Variants in ZNF226 observed in about 807,000 individuals in gnomAD.
The protein encoded by ZNF226 is zinc finger protein 226, also known as Kruppel-associated box protein.
ZNF226 carries 6 observed loss-of-function variants against 11.4 expected under a neutral mutation model. The ratio of observed to expected loss-of-function variants is 0.53; its 90% CI spans 0.29 to 1.04. The LOEUF (loss-of-function observed/expected upper bound fraction) is 1.04. Ranked by LOEUF, ZNF226 falls within the 50% of genes least tolerant of loss-of-function variation. The pLI is 0.08. For missense variants in ZNF226, 1,058 were observed against 956.5 expected (o/e 1.11, Z -1.40); for synonymous variants, 350 against 322.8 (o/e 1.08, Z -0.90).
chr19:44,186,435 T>C, the ZNF226 span, among the ~76,000 whole-genome samples: 5 of 152,106 alleles, frequency 3.3e-5, no homozygotes, highest in African/African-American at 4.8e-5. Flanking sequence ...GTTATTTGAT[T>C]AAGTTCTTTC....
At chr19:44,188,177 A>T in the ZNF226 span, among the ~76,000 whole-genome samples, 3 of 152,236 alleles carry the variant, frequency 2.0e-5, no homozygotes, top group African/African-American at 7.2e-5. Flanking sequence ...CCGTTTCCTC[A>T]TTGATCTTCT....
chr19:44,188,045 ATGG>A, the ZNF226 span, among the ~76,000 whole-genome samples: 2 of 152,136 alleles, frequency 1.3e-5, no homozygotes, highest in African/African-American at 4.8e-5. Flanking sequence ...ATAGCCTAAC[ATGG>A]TCTATCTTGG....
At position 44,176,849 on chromosome 19, in the gene ZNF226, A is replaced by C. The variant is rs754984072; in HGVS notation, c.1587A>C (p.Lys529Asn). 1 of 1,614,076 alleles carries C rather than the reference A, an allele frequency of 6.2e-7. No individual in the cohort carries two copies. The highest frequency in any genetic ancestry group is 1.7e-5 in the Admixed American group (1 of 60,010). The change falls in exon 6 of 6, where the codon AAA becomes AAC. Residue 529 changes from lysine to asparagine, a missense_variant. Transcript: ENST00000337433. ...ATCTAGTGGTCCACACAGGAGAGAA[A>C]CCCTATAAATGTGAGATATGTGGGA... is the stretch of plus-strand genomic sequence containing the variant. ...QVHLVVHTGE[K>N]PYKCEICGKG... is the part of the protein sequence containing the mutation.
intron 3 of ZNF226, 100 bp downstream of exon 3, chr19:44,170,195 T>A (rs1368195140): frequency 4.0e-6 from 5 of 1,265,266 alleles, no homozygotes; most frequent in Non-Finnish European, 5.6e-6. Flanking sequence ...AGGCATCTGA[T>A]GACCTGTTGA....
At position 44,176,457 on chromosome 19, in the gene ZNF226, A is replaced by C. The variant is rs759130480; in HGVS notation, c.1195A>C (p.Ser399Arg). Residue 399 changes from serine (S) to arginine (R), a missense_variant, in exon 6 of 6, where the codon AGC becomes CGC. Coordinates refer to ENST00000337433, the MANE Select transcript of ZNF226 (RefSeq NM_001032373.2). ...ATTCAAATGTGATGCATGTGGTAAGAGCTTCAGTCGGAATTCACATCTTCA... is the reference window on the plus strand; with the variant it reads ...ATTCAAATGTGATGCATGTGGTAAGCGCTTCAGTCGGAATTCACATCTTCA... ...KPFKCDACGK[S>R]FSRNSHLQSH... 25 of 1,614,052 alleles carry C rather than the reference A, an allele frequency of 1.5e-5. 1 individual carries two copies. In the South Asian group the frequency reaches 2.6e-4, roughly 17 times the overall value.
chr19:44,175,450 C>T (rs1970585803), intron 5 of ZNF226, 48 bp from the exon 6 acceptor site: 1 of 1,526,870 alleles, frequency 6.5e-7, no homozygotes, highest in Non-Finnish European at 8.7e-7. Flanking sequence ...AATCTTAAAT[C>T]TTTGAACAAA....
At chr19:44,166,602 A>G (rs1473557532) in intron 2 of ZNF226, 3 of 152,244 alleles carry the variant, frequency 2.0e-5, no homozygotes, top group African/African-American at 7.2e-5. Context: ...ACAGAAATAC[A>G]TTTAAAAAAT....
At chr19:44,179,241 G>A (rs957420362), downstream of ZNF226, among the ~76,000 whole-genome samples, 1 of 152,082 alleles carries the variant, frequency 6.6e-6, no homozygotes, top group Non-Finnish European at 1.5e-5. Flanking sequence ...GCATCTAATC[G>A]TGAGTCTGTC....
At chr19:44,177,738 A>G, downstream of ZNF226, 1 of 1,486,080 alleles carries the variant, frequency 6.7e-7, no homozygotes. Context: ...TCAGTGTTTC[A>G]GCCGTAGCTC....
rs1970747371 is a variant in ZNF226 at position 44,176,983 on chromosome 19, T to C, written c.1721T>C (p.Leu574Pro). 1.9e-6 allele frequency: 3 copies of C among 1,613,978 alleles called. No homozygotes were observed. The highest frequency in any genetic ancestry group is 2.2e-5 in the East Asian group (1 of 44,870). The change falls in exon 6 of 6, where the codon CTT becomes CCT. Residue 574 changes from leucine (L) to proline (P), a missense_variant. Leu to Pro is a moderately conservative substitution (Grantham distance 98, BLOSUM62 -3). Coordinates refer to ENST00000337433, the MANE Select transcript of ZNF226 (RefSeq NM_001032373.2). ...CGQGFNQSSRLQIHQLIHTGE... is the reference protein window; with the variant it reads ...CGQGFNQSSRPQIHQLIHTGE... ...CAGGGTTTCAATCAGAGCTCACGAC[T>C]TCAGATTCACCAGCTGATCCATACG...
intron 5 of ZNF226, chr19:44,174,831 A>T: frequency 1.6e-6 from 1 of 617,262 alleles, no homozygotes; most frequent in Non-Finnish European, 2.6e-6. Context: ...AGAAGGATCC[A>T]GTGCATAGGT....
chr19:44,195,911 T>C, the ZNF226 span, among the ~76,000 whole-genome samples: 1 of 152,242 alleles, frequency 6.6e-6, no homozygotes, highest in South Asian at 2.1e-4. Context: ...TAATTCTGCA[T>C]AATGTTCTAG....
chr19:44,167,969 C>T (rs1030226190), intron 2 of ZNF226: 2 of 152,100 alleles, frequency 1.3e-5, no homozygotes, highest in African/African-American at 4.8e-5. Context: ...TGTGAAGAAG[C>T]AGTAGTAATT....
rs1293133300 is a variant in ZNF226, at chr19:44,172,143, T to C, written c.71T>C (p.Leu24Pro). The change falls in exon 4 of 6, where the codon CTG (leucine) becomes CCG (proline). Residue 24 changes from leucine to proline, a missense_variant. Transcript: ENST00000337433. ...GCCTTCACGGAGGAGGAATTGGGGCTGCTGGGCCCTGCCCAGAGGAAGCTG... is the reference window on the plus strand; with the variant it reads ...GCCTTCACGGAGGAGGAATTGGGGCCGCTGGGCCCTGCCCAGAGGAAGCTG... Reference protein sequence around the residue: ...AVAFTEEELGLLGPAQRKLYR... With the variant: ...AVAFTEEELGPLGPAQRKLYR... 1 of 1,613,264 alleles carries C rather than the reference T, an allele frequency of 6.2e-7. No homozygotes were observed. Among genetic ancestry groups the C allele is most frequent in the Non-Finnish European group, 8.5e-7 (1 of 1,179,528 alleles).
At chr19:44,186,875 G>T in the ZNF226 span, among the ~76,000 whole-genome samples, 7,608 of 71,402 alleles carry the variant, frequency 0.11, 238 homozygotes, top group African/African-American at 0.2. Context: ...TAGTTAAGTG[G>T]TTTTTTTTTT....
At position 44,176,214 on chromosome 19, in the gene ZNF226, C is replaced by A. The variant is rs751106639; in HGVS notation, c.952C>A (p.Gln318Lys). ...TGATGAGTGTGGTAAGGAATTCAGT[C>A]AGGGCGCTCATCTACAGACCCATCA... is the stretch of plus-strand genomic sequence containing the variant. ...KCDECGKEFS[Q>K]GAHLQTHQKV... is the part of the protein sequence containing the mutation. Residue 318 changes from glutamine to lysine, a missense_variant, in exon 6 of 6, where the codon CAG (glutamine) becomes AAG (lysine). Gln to Lys is a moderately conservative substitution (Grantham distance 53). Transcript: ENST00000337433. 5.0e-6 allele frequency: 8 copies of A among 1,613,982 alleles called. No homozygotes were observed. The highest frequency in any genetic ancestry group is 6.8e-6 in the Non-Finnish European group (8 of 1,180,014).
chr19:44,172,331 G>A (rs1970194509), intron 4 of ZNF226, 117 bp downstream of exon 4: 6 of 1,352,108 alleles, frequency 4.4e-6, no homozygotes, highest in Non-Finnish European at 6.0e-6. Flanking sequence ...GTGGGATGCA[G>A]AGACACTGGA....
At position 44,177,444 on chromosome 19, in the gene ZNF226, A is replaced by C. The variant is rs370753005; in HGVS notation, c.2182A>C (p.Lys728Gln). 1.5e-5 allele frequency: 25 copies of C among 1,614,236 alleles called. No individual in the cohort carries two copies. In the African/African-American group the frequency reaches 2.8e-4, roughly 18 times the overall value. ...QSVHTGEKPYKCDVCGKVFSR... is the reference protein window; with the variant it reads ...QSVHTGEKPYQCDVCGKVFSR... Reference sequence around the variant, plus strand: ...TGTCCACACAGGAGAGAAACCATACAAATGTGATGTGTGTGGTAAAGTCTT... The same window carrying C: ...TGTCCACACAGGAGAGAAACCATACCAATGTGATGTGTGTGGTAAAGTCTT... Residue 728 changes from lysine (K) to glutamine (Q), a missense_variant, in exon 6 of 6, where the codon AAA (lysine) becomes CAA (glutamine). Coordinates refer to ENST00000337433, the MANE Select transcript of ZNF226 (RefSeq NM_001032373.2).
At chr19:44,181,184 G>T (rs534290295), downstream of ZNF226, among the ~76,000 whole-genome samples, 79 of 152,258 alleles carry the variant, frequency 5.2e-4, no homozygotes, top group Middle Eastern at 3.4e-3. Flanking sequence ...TTCAAGATTA[G>T]CCTGGGCAAT....
Sources: allele counts gnomAD v4.1 joint callset (sites outside exome capture counted in the v4.1 genomes callset), GRCh38; gene constraint gnomAD v4.1.1; transcripts MANE v1.5; gene names NCBI Gene and HGNC (gene_info 2026-07-23, HGNC 2026-07-21).